Variants in PLIN3 observed in about 807,000 individuals in gnomAD.
The protein encoded by PLIN3 is perilipin 3.
In PLIN3, 30 loss-of-function variants were observed where a neutral mutation model predicts 35.9. The ratio of observed to expected loss-of-function variants is 0.84; its 90% confidence interval spans 0.62 to 1.13. The LOEUF is 1.13. Ranked by LOEUF, PLIN3 falls within the 50% of genes most tolerant of loss-of-function variation. The pLI is 0.00. For synonymous variants in PLIN3, 261 were observed against 262.5 expected (o/e 0.99, Z 0.06); for missense variants, 603 against 596.9 (o/e 1.01, Z -0.11).
rs765819103 is a variant in PLIN3 at position 4,859,863 on chromosome 19, G to A, written c.228C>T (p.Ser76=). 2.5e-6 allele frequency: 4 copies of A among 1,612,942 alleles called. No homozygotes were observed. The highest frequency in any genetic ancestry group is 1.3e-5 in the African/African-American group (1 of 74,908). ...GVRTLTAAAV[S]GAQPILSKLE... is the part of the protein sequence containing the mutation. ...GCTTGGAGAGGATCGGCTGAGCCCC[G>A]CTGACAGCAGCCGCCGTGAGGGTCC... The change falls in exon 3 of 8, where the codon AGC becomes AGT. Residue 76 remains serine, a synonymous_variant. Transcript: ENST00000221957.
intron 6 of PLIN3, 93 bp downstream of exon 6, chr19:4,847,598 A>G: frequency 9.5e-7 from 1 of 1,057,938 alleles, no homozygotes; most frequent in African/African-American, 1.6e-5. Flanking sequence ...GCCAGCCTGC[A>G]GAGGGGTGAG....
Position 4,860,033 on chromosome 19 carries a change from G to C in PLIN3, c.67-9C>G. On this transcript the variant is annotated splice_polypyrimidine_tract_variant and intron_variant, in intron 2 of 7. Transcript: ENST00000221957. Reference sequence around the variant, plus strand: ...CGGTCCACCACACTGGGCTACAGGAGAGAAGTGGCTCAGGCAAACTGGGTG... The same window carrying C: ...CGGTCCACCACACTGGGCTACAGGACAGAAGTGGCTCAGGCAAACTGGGTG... 1.2e-6 allele frequency: 2 copies of C among 1,613,770 alleles called. No individual in the cohort carries two copies. The highest frequency in any genetic ancestry group is 8.5e-7 in the Non-Finnish European group (1 of 1,179,888).
Position 4,844,720 on chromosome 19 carries a change from C to T in PLIN3, c.908G>A (p.Ser303Asn), listed in dbSNP as rs759945432. Residue 303 changes from serine (S) to asparagine (N), a missense_variant, in exon 7 of 8, where the codon AGC (serine) becomes AAC (asparagine). By Grantham distance (46) the Ser-to-Asn change is conservative. Coordinates refer to ENST00000221957, the MANE Select transcript of PLIN3 (RefSeq NM_005817.5). ...GQEKLHQMWL[S>N]WNQKQLQGPE... is the part of the protein sequence containing the mutation. ...GCCCTGGAGCTGCTTCTGGTTCCAG[C>T]TGAGCCACATCTGGTGCAGCTTCTC... 6 of 1,607,840 alleles carry T rather than the reference C, an allele frequency of 3.7e-6. No homozygotes were observed. Among genetic ancestry groups the T allele is most frequent in the Non-Finnish European group, 5.1e-6 (6 of 1,177,460 alleles).
intron 1 of PLIN3, among the ~76,000 whole-genome samples, 164 bp downstream of exon 1, chr19:4,867,445 G>A (rs1025198616): frequency 6.6e-6 from 1 of 152,002 alleles, no homozygotes; most frequent in Admixed American, 6.6e-5. Flanking sequence ...GGATTTTTCT[G>A]GGGGGAGGGG....
rs192634463 is a variant in PLIN3, at chr19:4,838,564, T to C, written c.*628A>G. On this transcript the variant is annotated 3_prime_UTR_variant, in exon 8 of 8. Transcript: ENST00000221957. ...AAACAAAGAAGTGGGATATGAACTA[T>C]ATCCCTGATTTTTTTTTCTTTTTTT... is the stretch of plus-strand genomic sequence containing the variant. 68 of 150,356 alleles carry C rather than the reference T, an allele frequency of 4.5e-4. 1 individual carries two copies. The highest frequency in any genetic ancestry group is 1.6e-3 in the African/African-American group (64 of 41,162). The allele number at this position is 150,356 out of a possible 1,614,324, so 9.3% of individuals were successfully genotyped here.
At chr19:4,849,099 G>A (rs2030201743) in intron 5 of PLIN3, among the ~76,000 whole-genome samples, 1 of 150,580 alleles carries the variant, frequency 6.6e-6, no homozygotes, top group Non-Finnish European at 1.5e-5. Context: ...CGAGTAGCTG[G>A]GACTACATAA....
At chr19:4,851,750 G>A (rs1365810533) in intron 5 of PLIN3, among the ~76,000 whole-genome samples, 1 of 152,038 alleles carries the variant, frequency 6.6e-6, no homozygotes, top group Non-Finnish European at 1.5e-5. Context: ...TCCATGGAGG[G>A]CTGTGGGCAG....
At chr19:4,842,434 T>A (rs1466195490) in intron 7 of PLIN3, among the ~76,000 whole-genome samples, 1 of 149,272 alleles carries the variant, frequency 6.7e-6, no homozygotes, top group Non-Finnish European at 1.5e-5. Flanking sequence ...GTCTCAAAAA[T>A]AAATAAATAA....
chr19:4,858,315 G>GT (rs1555735248), intron 4 of PLIN3, among the ~76,000 whole-genome samples: 3 of 144,810 alleles, frequency 2.1e-5, no homozygotes, highest in Non-Finnish European at 4.5e-5. Context: ...CAGAGGCAAA[G>GT]TAACTTGTGT....
Position 4,847,542 on chromosome 19 carries a change from G to A in PLIN3, c.834+149C>T, listed in dbSNP as rs1413082281. ...GTTTGTGGCAGCATCCTGAGCAAATGAGTGTACAACCAGATACAGTGCCAG... is the reference window on the plus strand; with the variant it reads ...GTTTGTGGCAGCATCCTGAGCAAATAAGTGTACAACCAGATACAGTGCCAG... On this transcript the variant is annotated intron_variant, in intron 6 of 7. Transcript: ENST00000221957. The A allele has an allele frequency of 4.7e-5, 33 of 698,472 alleles. No homozygotes were observed. The East Asian group carries it at 7.6e-4, about 16-fold the overall frequency. The allele number at this position is 698,472 out of a possible 1,614,324, so 43.3% of individuals were successfully genotyped here.
chr19:4,846,402 C>T (rs2030098271), intron 6 of PLIN3, among the ~76,000 whole-genome samples: 1 of 150,772 alleles, frequency 6.6e-6, no homozygotes, highest in Non-Finnish European at 1.5e-5. Context: ...TGGTCTCCTT[C>T]AATAAGGAGA....
chr19:4,851,374 G>A (rs1254794390), intron 5 of PLIN3, among the ~76,000 whole-genome samples: 1 of 152,128 alleles, frequency 6.6e-6, no homozygotes, highest in Non-Finnish European at 1.5e-5. Context: ...TGAGGCAGGA[G>A]ACTCGCTTGA....
At chr19:4,862,077 T>C (rs2030694306) in intron 1 of PLIN3, among the ~76,000 whole-genome samples, 1 of 151,810 alleles carries the variant, frequency 6.6e-6, no homozygotes, top group South Asian at 2.1e-4. Context: ...TAACTAGGAC[T>C]ATAGGCACAC....
chr19:4,844,075 A>C (rs1321766964), intron 7 of PLIN3, among the ~76,000 whole-genome samples: 4 of 152,004 alleles, frequency 2.6e-5, no homozygotes, highest in Non-Finnish European at 5.9e-5. Flanking sequence ...TGGGGAGCTT[A>C]AGTGGGTGGT....
At chr19:4,862,420 T>C (rs759950554) in intron 1 of PLIN3, among the ~76,000 whole-genome samples, 7 of 151,970 alleles carry the variant, frequency 4.6e-5, no homozygotes, top group Admixed American at 2.0e-4. Context: ...GTGTGAGCCA[T>C]TGTGCCTGGC....
rs1283003447 is a variant in PLIN3, at chr19:4,838,631, A to AGT, written c.*559_*560dup. On this transcript the variant is annotated 3_prime_UTR_variant, in exon 8 of 8. Transcript: ENST00000221957. ...GTCTCACTCTTGTCCCCCAGGCTGGAGTGCAATGGCGCGATCTTGGCTCAC... is the reference window on the plus strand; with the variant it reads ...GTCTCACTCTTGTCCCCCAGGCTGGAGTGTGCAATGGCGCGATCTTGGCTCAC... 2 of 143,482 alleles carry AGT rather than the reference A, an allele frequency of 1.4e-5. No homozygotes were observed. Among genetic ancestry groups the AGT allele is most frequent in the African/African-American group, 5.3e-5 (2 of 38,008 alleles). The allele number at this position is 143,482 out of a possible 1,614,324, so 8.9% of individuals were successfully genotyped here. A position where few individuals can be genotyped will look rare whatever the true frequency, so the allele number is the denominator to read the frequency against.
chr19:4,848,453 G>A (rs558254313), intron 5 of PLIN3, among the ~76,000 whole-genome samples: 1 of 152,344 alleles, frequency 6.6e-6, no homozygotes, highest in South Asian at 2.1e-4. Flanking sequence ...TGGCCTGCAG[G>A]CCAGACCTGC....
intron 7 of PLIN3, among the ~76,000 whole-genome samples, chr19:4,842,475 C>A (rs1336830149): frequency 6.6e-6 from 1 of 151,326 alleles, no homozygotes; most frequent in East Asian, 1.9e-4. Flanking sequence ...TGGCAGGTGC[C>A]TGTAGTCTCA....
At chr19:4,863,826 T>TAA (rs2030754409) in intron 1 of PLIN3, among the ~76,000 whole-genome samples, 1 of 110,616 alleles carries the variant, frequency 9.0e-6, no homozygotes. Context: ...AGACTCCATC[T>TAA]CAAAAAAAAA....
Sources: gnomAD v4.1 joint callset for allele counts (sites outside exome capture counted in the v4.1 genomes callset) on GRCh38, gnomAD v4.1.1 for gene constraint, MANE v1.5 for transcripts, NCBI Gene and HGNC (gene_info 2026-07-23, HGNC 2026-07-21) for gene names.